ZCWPW2: variants seen among roughly 807,000 people sequenced by gnomAD.
ZCWPW2 encodes the protein zinc finger CW-type PWWP domain protein 2.
Under a neutral mutation model 46.6 loss-of-function variants are expected in ZCWPW2, and 45 were observed. The ratio of observed to expected loss-of-function variants is 0.96; its 90% CI spans 0.76 to 1.24. The LOEUF is 1.24. ZCWPW2 is among the 50% of genes most tolerant of loss of function. The pLI is 0.00. For synonymous variants in ZCWPW2, 152 were observed against 137.1 expected (o/e 1.11, Z -0.76); for missense variants, 429 against 403.9 (o/e 1.06, Z -0.53).
At position 28,462,550 on chromosome 3, in the gene ZCWPW2, G is replaced by T. The variant is rs149828473; in HGVS notation, c.493-16264G>T. On this transcript the variant is annotated intron_variant, in intron 4 of 9. Transcript: ENST00000383768. Reference sequence around the variant, plus strand: ...AGAGATCAAATTTCTTATTATCCTGGTTGGATGAGCACTGTCACATTCAAT... The same window carrying T: ...AGAGATCAAATTTCTTATTATCCTGTTTGGATGAGCACTGTCACATTCAAT... Among the ~76,000 whole-genome samples the T allele has an allele frequency of 1.2e-3, 187 of 152,260 alleles. 2 individuals are homozygous for T. The highest frequency in any genetic ancestry group is 0.01 in the Middle Eastern group (3 of 294).
intron 1 of ZCWPW2, among the ~76,000 whole-genome samples, chr3:28,364,268 A>G (rs1176816641): frequency 6.6e-6 from 1 of 152,202 alleles, no homozygotes; most frequent in Non-Finnish European, 1.5e-5. Context: ...CATATATCCA[A>G]CTGTTAAGTG....
intron 5 of ZCWPW2, among the ~76,000 whole-genome samples, chr3:28,488,531 G>T (rs1266944325): frequency 6.6e-6 from 1 of 151,924 alleles, no homozygotes. Context: ...AATACACAAG[G>T]TTTAAAAAAA....
At chr3:28,393,065 A>T (rs376027768) in intron 2 of ZCWPW2, among the ~76,000 whole-genome samples, 1 of 151,984 alleles carries the variant, frequency 6.6e-6, no homozygotes, top group South Asian at 2.1e-4. Flanking sequence ...TAGCTCAACT[A>T]AGAAAAAGGA....
At chr3:28,491,074 A>G (rs1699795523) in intron 5 of ZCWPW2, among the ~76,000 whole-genome samples, 1 of 152,154 alleles carries the variant, frequency 6.6e-6, no homozygotes, top group African/African-American at 2.4e-5. Flanking sequence ...ATAACTAACC[A>G]TAATACAAGG....
intron 1 of ZCWPW2, among the ~76,000 whole-genome samples, chr3:28,372,419 T>C (rs1311740523): frequency 6.6e-6 from 1 of 152,208 alleles, no homozygotes; most frequent in Non-Finnish European, 1.5e-5. Context: ...ATCTAAAGAT[T>C]GAATATTATT....
In ZCWPW2 at chr3:28,525,014, ATGG is replaced by A. The variant is rs1700815128; in HGVS notation, c.*327_*329del. ...GATTGTTTAGGCCCTTTGTTCAAAAATGGATAACTTAAAATGGCTGGCCAAGCT... is the reference window on the plus strand; with the variant it reads ...GATTGTTTAGGCCCTTTGTTCAAAAAATAACTTAAAATGGCTGGCCAAGCT... On this transcript the variant is annotated 3_prime_UTR_variant, in exon 10 of 10. Coordinates refer to ENST00000383768, the MANE Select transcript of ZCWPW2 (RefSeq NM_001040432.4). 6.4e-6 allele frequency: 1 copy of A among 157,110 alleles called. No homozygotes were observed. The highest frequency in any genetic ancestry group is 1.4e-5 in the Non-Finnish European group (1 of 71,670). 9.7% of individuals were successfully genotyped at this position (157,110 alleles called of 1,614,324 possible).
intron 1 of ZCWPW2, among the ~76,000 whole-genome samples, chr3:28,389,927 T>C (rs1374499038): frequency 6.6e-6 from 1 of 152,182 alleles, no homozygotes; most frequent in African/African-American, 2.4e-5. Flanking sequence ...CCACCCACAT[T>C]ATGGAAGTTA....
rs1696393085 is a variant in ZCWPW2, at chr3:28,411,429, C to CATTCTCTTT, written c.-13-1626_-13-1625insTTCTCTTTA. Among the ~76,000 whole-genome samples the CATTCTCTTT allele has an allele frequency of 6.6e-5, 10 of 151,608 alleles. No individual in the cohort carries two copies. The South Asian group carries it at 2.1e-3, about 32-fold the overall frequency. On this transcript the variant is annotated intron_variant, in intron 2 of 9. Coordinates refer to ENST00000383768, the MANE Select transcript of ZCWPW2 (RefSeq NM_001040432.4). ...ATGGTCTCTACAAAAACCGTACTCC[C>CATTCTCTTT]AACATAACAAACATTCGAAGCATTC...
chr3:28,493,254 G>A (rs1456126349), intron 6 of ZCWPW2, among the ~76,000 whole-genome samples: 26 of 138,408 alleles, frequency 1.9e-4, no homozygotes, highest in South Asian at 7.4e-4. Flanking sequence ...AGCCACTAAC[G>A]TGTCATCTAG....
chr3:28,423,207 A>C (rs1199002677), intron 3 of ZCWPW2, among the ~76,000 whole-genome samples: 1 of 151,684 alleles, frequency 6.6e-6, no homozygotes, highest in Non-Finnish European at 1.5e-5. Context: ...TTTTATTTTA[A>C]TGAACTCTGC....
At position 28,470,180 on chromosome 3, in the gene ZCWPW2, G is replaced by A. The variant is rs147291611; in HGVS notation, c.493-8634G>A. The stretch of plus-strand genomic sequence containing the variant: ...TAAACAGTATGCTCCTGAATAACCA[G>A]TGGTTCAATGCAGAAATTAAAAAGG... On this transcript the variant is annotated intron_variant, in intron 4 of 9. Coordinates refer to ENST00000383768, the MANE Select transcript of ZCWPW2 (RefSeq NM_001040432.4). 8.5e-3 allele frequency among the ~76,000 whole-genome samples: 1,300 copies of A among 152,288 alleles called. 8 individuals are homozygous for A. The highest frequency in any genetic ancestry group is 0.028 in the South Asian group (133 of 4,818).
At chr3:28,350,151 A>G (rs1489078835) in intron 1 of ZCWPW2, among the ~76,000 whole-genome samples, 1 of 152,190 alleles carries the variant, frequency 6.6e-6, no homozygotes, top group Non-Finnish European at 1.5e-5. Context: ...TATTGCTTCC[A>G]TGATGCATTT....
At chr3:28,457,091 G>A (rs372319904) in intron 4 of ZCWPW2, among the ~76,000 whole-genome samples, 1 of 152,026 alleles carries the variant, frequency 6.6e-6, no homozygotes, top group Non-Finnish European at 1.5e-5. Flanking sequence ...TTCCTTTAAA[G>A]TATCTTCTAG....
chr3:28,368,957 C>T (rs1705217279), intron 1 of ZCWPW2, among the ~76,000 whole-genome samples: 1 of 152,198 alleles, frequency 6.6e-6, no homozygotes, highest in Non-Finnish European at 1.5e-5. Flanking sequence ...AAATCGGCTA[C>T]TGAGGCTTGT....
intron 9 of ZCWPW2, among the ~76,000 whole-genome samples, chr3:28,523,174 T>G (rs571732035): frequency 5.3e-5 from 8 of 152,314 alleles, no homozygotes; most frequent in South Asian, 4.1e-4. Context: ...ATTTCAGAAG[T>G]GTAAAAATTA....
intron 4 of ZCWPW2, among the ~76,000 whole-genome samples, chr3:28,470,865 TTAAC>T (rs1457450760): frequency 7.2e-5 from 11 of 151,824 alleles, no homozygotes; most frequent in Non-Finnish European, 1.0e-4. Context: ...TTTAGCCAGA[TTAAC>T]TAAGAAAAAA....
intron 6 of ZCWPW2, among the ~76,000 whole-genome samples, chr3:28,508,642 T>C (rs1346161433): frequency 6.6e-6 from 1 of 152,054 alleles, no homozygotes; most frequent in Non-Finnish European, 1.5e-5. Flanking sequence ...TTCAGCCTCC[T>C]GAGTAGCTTC....
intron 3 of ZCWPW2, among the ~76,000 whole-genome samples, chr3:28,421,989 T>C (rs2125748713): frequency 6.6e-6 from 1 of 152,160 alleles, no homozygotes; most frequent in Admixed American, 6.5e-5. Context: ...CTCTCCCCCA[T>C]GTTTATTTTT....
intron 7 of ZCWPW2, 117 bp downstream of exon 7, chr3:28,514,239 C>G (rs1700505231): frequency 3.1e-6 from 2 of 640,004 alleles, no homozygotes; most frequent in Non-Finnish European, 4.5e-6. Flanking sequence ...TCAACCACTG[C>G]ATAGTCAGGG....
Sources: gnomAD v4.1 joint callset for allele counts (sites outside exome capture counted in the v4.1 genomes callset) on GRCh38, gnomAD v4.1.1 for gene constraint, MANE v1.5 for transcripts, NCBI Gene and HGNC (gene_info 2026-07-23, HGNC 2026-07-21) for gene names.